PCDHGA3: variants seen among roughly 807,000 people sequenced by gnomAD.
PCDHGA3 encodes protocadherin gamma subfamily A, 3, also known as protocadherin gamma-A3.
Under a neutral mutation model 58.5 loss-of-function variants are expected in PCDHGA3, and 40 were observed. The observed-to-expected ratio is 0.68, with a 90% CI of 0.53 to 0.89. PCDHGA3 has a LOEUF of 0.89. PCDHGA3 is among the 40% of genes least tolerant of loss of function. The pLI, the probability that PCDHGA3 is intolerant of heterozygous loss-of-function variation, is 0.00. For missense variants in PCDHGA3, 1,223 were observed against 1,195.9 expected, an observed-to-expected ratio of 1.02 and a Z score of -0.33; for synonymous variants, 530 against 525.7, an observed-to-expected ratio of 1.01 and a Z score of -0.11.
At chr5:141,403,348 G>C (rs1031512427) in intron 1 of PCDHGA3, 2 of 1,614,052 alleles carry the variant, frequency 1.2e-6, no homozygotes, top group Middle Eastern at 1.6e-4. Flanking sequence ...GCGCCCCAAA[G>C]TTCCAGGCCG....
At chr5:141,421,009 T>C (rs948913987) in intron 1 of PCDHGA3, 1 of 515,496 alleles carries the variant, frequency 1.9e-6, no homozygotes, top group East Asian at 3.2e-5. Flanking sequence ...AATCAGGGAA[T>C]GGGAAGCTGC....
intron 1 of PCDHGA3, chr5:141,415,388 G>C (rs752789407): frequency 6.2e-7 from 1 of 1,614,236 alleles, no homozygotes; most frequent in East Asian, 2.2e-5. Flanking sequence ...GGCTTGACAG[G>C]TGTGTCCGGC....
rs201857404 is a variant in PCDHGA3, at chr5:141,485,844, G to C, written c.2425-8963G>C. The C allele has an allele frequency of 1.1e-5, 18 of 1,613,772 alleles. No homozygotes were observed. The highest frequency in any genetic ancestry group is 1.4e-5 in the Non-Finnish European group (16 of 1,179,956). ...GATGGAGGGAACCCGCCGAGATCTG[G>C]CACCGCAGAGCTCCGGGTATCCGTG... is the stretch of plus-strand genomic sequence containing the variant. On this transcript the variant is annotated intron_variant, in intron 1 of 3. Transcript: ENST00000253812. This position sits in a 1 kb window ranked among gnomAD's most constrained non-coding sequence, Gnocchi z 5.7.
chr5:141,418,527 G>A, intron 1 of PCDHGA3: 2 of 1,614,018 alleles, frequency 1.2e-6, no homozygotes, highest in South Asian at 1.1e-5. Flanking sequence ...CCTCCCCGAA[G>A]CGGTACTGCT....
chr5:141,390,043 C>T, intron 1 of PCDHGA3: 2 of 1,614,064 alleles, frequency 1.2e-6, no homozygotes, highest in Non-Finnish European at 8.5e-7. Flanking sequence ...TCCAGCCCCG[C>T]CTCCTGGAGC....
At chr5:141,423,821 C>A (rs2096784513) in intron 1 of PCDHGA3, 1 of 1,272,728 alleles carries the variant, frequency 7.9e-7, no homozygotes, top group Admixed American at 3.9e-5. Context: ...TTTACTTTGC[C>A]TTTCATGAGA....
intron 1 of PCDHGA3, chr5:141,355,966 C>T (rs2149788851): frequency 1.9e-6 from 3 of 1,613,816 alleles, no homozygotes; most frequent in Non-Finnish European, 1.7e-6. Context: ...TGAGAACGTT[C>T]CTGTAGGCAC....
intron 1 of PCDHGA3, chr5:141,375,433 C>T: frequency 6.2e-7 from 1 of 1,614,016 alleles, no homozygotes; most frequent in African/African-American, 1.3e-5. Context: ...ACAACCCGCC[C>T]ACCTTCCCCC....
intron 1 of PCDHGA3, among the ~76,000 whole-genome samples, chr5:141,474,010 C>G (rs989832548): frequency 1.3e-5 from 2 of 152,092 alleles, no homozygotes; most frequent in Admixed American, 1.3e-4. Flanking sequence ...CTGGAAGTTA[C>G]AGTGAGCTAT....
At chr5:141,347,075 C>T (rs1757861488) in intron 1 of PCDHGA3, among the ~76,000 whole-genome samples, 1 of 150,274 alleles carries the variant, frequency 6.7e-6, no homozygotes, top group Admixed American at 6.6e-5. Context: ...TCCTTCCTCT[C>T]TCTCTTTCCT....
chr5:141,350,907 A>G lies in PCDHGA3; in HGVS notation c.2424+4450A>G, dbSNP rs199920590. 2.9e-4 allele frequency: 472 copies of G among 1,606,482 alleles called. 1 individual carries two copies. Among genetic ancestry groups the G allele is most frequent in the Admixed American group, 4.4e-4 (26 of 59,024 alleles). On this transcript the variant is annotated intron_variant, in intron 1 of 3. Coordinates refer to ENST00000253812, the MANE Select transcript of PCDHGA3 (RefSeq NM_018916.4). ...ATCCTGACTGCCATGGATGGCGGGGACCCGCCTCTAAGCGGCACCACCCAT... is the reference window on the plus strand; with the variant it reads ...ATCCTGACTGCCATGGATGGCGGGGGCCCGCCTCTAAGCGGCACCACCCAT...
At chr5:141,410,170 C>A in intron 1 of PCDHGA3, 1 of 1,613,828 alleles carries the variant, frequency 6.2e-7, no homozygotes, top group African/African-American at 1.3e-5. Context: ...CACTCTCTGC[C>A]ACCGCCACGC....
chr5:141,367,002 T>A (rs1764897484), intron 1 of PCDHGA3: 3 of 451,252 alleles, frequency 6.6e-6, no homozygotes. Context: ...TATAATCATT[T>A]TACCCAAATA....
At chr5:141,391,312 T>C (rs2092346265) in intron 1 of PCDHGA3, 1 of 151,466 alleles carries the variant, frequency 6.6e-6, no homozygotes, top group African/African-American at 2.4e-5. Flanking sequence ...GATTCTTTTT[T>C]TTTTCTTTTT....
intron 1 of PCDHGA3, chr5:141,479,563 G>A (rs1469231382): frequency 2.6e-5 from 4 of 152,206 alleles, no homozygotes; most frequent in Admixed American, 2.0e-4. Context: ...ATCCAGTAGT[G>A]GGATGACATC....
intron 1 of PCDHGA3, among the ~76,000 whole-genome samples, chr5:141,450,572 T>A (rs1276283357): frequency 6.6e-6 from 1 of 151,710 alleles, no homozygotes; most frequent in African/African-American, 2.4e-5. Flanking sequence ...CTGCAACTTC[T>A]GCCTCCCAGG....
chr5:141,399,908 C>G (rs141997055), intron 1 of PCDHGA3: 2 of 1,612,300 alleles, frequency 1.2e-6, no homozygotes, highest in African/African-American at 1.3e-5. Context: ...GACGCAGACT[C>G]AGGACACAAC....
intron 1 of PCDHGA3, chr5:141,383,693 A>C (rs771447649): frequency 3.7e-6 from 6 of 1,613,930 alleles, no homozygotes; most frequent in Non-Finnish European, 5.1e-6. Context: ...CTCACGGTAC[A>C]TGCTATCGAC....
chr5:141,432,722 T>G lies in PCDHGA3; in HGVS notation c.2425-62085T>G, dbSNP rs2097531915. 6.2e-7 allele frequency: 1 copy of G among 1,613,646 alleles called. No homozygotes were observed. Among genetic ancestry groups the G allele is most frequent in the African/African-American group, 1.3e-5 (1 of 74,900 alleles). ...CCAGGACCACGGCCAGCCCCCTCTC[T>G]CCGCCACTGTCACGCTCACCGTGGC... On this transcript the variant is annotated intron_variant, in intron 1 of 3. Coordinates refer to ENST00000253812, the MANE Select transcript of PCDHGA3 (RefSeq NM_018916.4). The surrounding 1 kb of genome is among the most constrained non-coding windows in gnomAD (Gnocchi z 6.0).
Sources: gnomAD v4.1 joint callset for allele counts (sites outside exome capture counted in the v4.1 genomes callset) on GRCh38, gnomAD v4.1.1 for gene constraint, Gnocchi (gnomAD v3.1) non-coding constraint, MANE v1.5 for transcripts, NCBI Gene and HGNC (gene_info 2026-07-23, HGNC 2026-07-21) for gene names.